Variants in PALM2AKAP2 observed in about 807,000 individuals in gnomAD.
PALM2AKAP2 encodes PALM2 and AKAP2 fusion, also known as PALM2-AKAP2 fusion protein.
In PALM2AKAP2, 37 loss-of-function variants were observed where a neutral mutation model predicts 71.5. The ratio of observed to expected loss-of-function variants is 0.52; its 90% CI spans 0.40 to 0.68. The LOEUF is 0.68. PALM2AKAP2 is among the 30% of genes least tolerant of loss of function. The pLI, the probability that PALM2AKAP2 is intolerant of heterozygous loss-of-function variation, is 0.00. For synonymous variants in PALM2AKAP2, 468 were observed against 478.8 expected, an observed-to-expected ratio of 0.98 and a Z score of 0.29; for missense variants, 1,224 against 1,191.8, an observed-to-expected ratio of 1.03 and a Z score of -0.40.
At chr9:110,147,048 C>T (rs969271014) in intron 2 of PALM2AKAP2, among the ~76,000 whole-genome samples, 3 of 151,806 alleles carry the variant, frequency 2.0e-5, no homozygotes, top group Admixed American at 6.6e-5. Flanking sequence ...GTCAGGAGTT[C>T]GAGACCAGCC....
At chr9:110,004,147 T>C (rs1403325386) in intron 6 of PALM2AKAP2, among the ~76,000 whole-genome samples, 1 of 152,236 alleles carries the variant, frequency 6.6e-6, no homozygotes, top group Non-Finnish European at 1.5e-5. Context: ...CAATTTGACA[T>C]GTTTTCGCAG....
At chr9:109,875,964 A>G (rs1829711120) in intron 2 of PALM2AKAP2, among the ~76,000 whole-genome samples, 1 of 152,124 alleles carries the variant, frequency 6.6e-6, no homozygotes, top group African/African-American at 2.4e-5. Context: ...TGCCATGATG[A>G]CATTCGTTTG....
chr9:110,159,842 G>A (rs1417415811), intron 3 of PALM2AKAP2, among the ~76,000 whole-genome samples: 7 of 152,186 alleles, frequency 4.6e-5, no homozygotes. Flanking sequence ...ATGCAGAGAG[G>A]CCCCTGGCTT....
chr9:109,691,963 T>C (rs1474183904), intron 1 of PALM2AKAP2, among the ~76,000 whole-genome samples: 1 of 143,586 alleles, frequency 7.0e-6, no homozygotes, highest in Non-Finnish European at 1.5e-5. Context: ...TATACATATA[T>C]ATCTCCATCT....
chr9:109,994,016 A>G (rs953303555), intron 6 of PALM2AKAP2, among the ~76,000 whole-genome samples: 1 of 152,156 alleles, frequency 6.6e-6, no homozygotes, highest in South Asian at 2.1e-4. Flanking sequence ...TATTATAAAT[A>G]CCTAGCTACT....
At chr9:109,864,060 C>CAA (rs60061350) in intron 1 of PALM2AKAP2, among the ~76,000 whole-genome samples, 35 of 139,636 alleles carry the variant, frequency 2.5e-4, no homozygotes, top group Admixed American at 6.4e-4. Flanking sequence ...GACTCTGTCT[C>CAA]AAAAAAAAAA....
At chr9:110,144,462 A>G (rs965525214) in intron 2 of PALM2AKAP2, among the ~76,000 whole-genome samples, 7 of 152,214 alleles carry the variant, frequency 4.6e-5, no homozygotes, top group South Asian at 4.1e-4. Flanking sequence ...CACACTTGTC[A>G]TTTCTTATTT....
At chr9:109,746,815 T>C (rs1190194711) in intron 1 of PALM2AKAP2, among the ~76,000 whole-genome samples, 1 of 152,218 alleles carries the variant, frequency 6.6e-6, no homozygotes, top group Non-Finnish European at 1.5e-5. Flanking sequence ...TTGCCCAAAG[T>C]CACACAGCTA....
In PALM2AKAP2 at chr9:109,816,170, A is replaced by T. The variant is rs560244642; in HGVS notation, c.45+35637A>T. ...CACAGATTTGTAGTGTCGTTCTCCT[A>T]CACTCCAGGGCACCTTATGTAGGTG... On this transcript the variant is annotated intron_variant, in intron 1 of 9. Coordinates refer to the PALM2AKAP2 transcript ENST00000302798. Among the ~76,000 whole-genome samples, 11 of 152,304 alleles carry T rather than the reference A, an allele frequency of 7.2e-5. No homozygotes were observed. In the East Asian group the frequency reaches 2.1e-3, roughly 29 times the overall value.
chr9:109,679,222 G>T (rs1035297333), intron 1 of PALM2AKAP2, among the ~76,000 whole-genome samples: 18 of 152,328 alleles, frequency 1.2e-4, no homozygotes, highest in African/African-American at 4.1e-4. Context: ...AGCTGTACCA[G>T]ATTAGAGGGA....
At chr9:110,023,917 C>T (rs1833125185) in intron 7 of PALM2AKAP2, among the ~76,000 whole-genome samples, 1 of 151,882 alleles carries the variant, frequency 6.6e-6, no homozygotes, top group Non-Finnish European at 1.5e-5. Context: ...CGCTTGAGCC[C>T]AGGGAGATTG....
At chr9:110,073,117 A>T (rs1030973191) in intron 1 of PALM2AKAP2, among the ~76,000 whole-genome samples, 8 of 152,206 alleles carry the variant, frequency 5.3e-5, no homozygotes, top group African/African-American at 1.9e-4. Context: ...TTGATTCTGT[A>T]ATTTCTTTTG....
At chr9:109,847,975 C>T (rs1828909198) in intron 1 of PALM2AKAP2, among the ~76,000 whole-genome samples, 1 of 152,168 alleles carries the variant, frequency 6.6e-6, no homozygotes, top group South Asian at 2.1e-4. Context: ...TCATAGAATA[C>T]ACTCCTCTCA....
intron 1 of PALM2AKAP2, among the ~76,000 whole-genome samples, chr9:109,657,155 C>T (rs191069769): frequency 6.6e-6 from 1 of 152,280 alleles, no homozygotes; most frequent in East Asian, 1.9e-4. Flanking sequence ...GTGGTCCTAG[C>T]CAAACATTTT....
At chr9:109,868,663 C>T (rs1197885469) in intron 2 of PALM2AKAP2, among the ~76,000 whole-genome samples, 2 of 152,174 alleles carry the variant, frequency 1.3e-5, no homozygotes, top group Non-Finnish European at 2.9e-5. Flanking sequence ...AAAATAGCAG[C>T]ATGACCTATA....
chr9:109,956,823 T>C (rs998028138), intron 6 of PALM2AKAP2, among the ~76,000 whole-genome samples: 12 of 152,338 alleles, frequency 7.9e-5, no homozygotes, highest in African/African-American at 2.9e-4. Context: ...ACTTTCTTGC[T>C]ATGTGAGTCA....
intron 7 of PALM2AKAP2, among the ~76,000 whole-genome samples, chr9:110,020,911 C>T (rs1833062920): frequency 6.6e-6 from 1 of 151,998 alleles, no homozygotes; most frequent in Middle Eastern, 3.2e-3. Flanking sequence ...AGTTCAAGAC[C>T]AACCTGGCCA....
intron 3 of PALM2AKAP2, among the ~76,000 whole-genome samples, chr9:109,911,146 A>G (rs201963825): frequency 1.3e-5 from 2 of 152,086 alleles, no homozygotes; most frequent in African/African-American, 4.8e-5. Flanking sequence ...GTGTGGCTGG[A>G]TGGGACTTTT....
At chr9:109,736,950 G>A (rs1003117870) in intron 1 of PALM2AKAP2, among the ~76,000 whole-genome samples, 7 of 152,152 alleles carry the variant, frequency 4.6e-5, no homozygotes, top group Admixed American at 1.3e-4. Context: ...TACCACTGTC[G>A]CCGTCTCTTT....
Sources: gnomAD v4.1 joint callset for allele counts (sites outside exome capture counted in the v4.1 genomes callset) on GRCh38, gnomAD v4.1.1 for gene constraint, MANE v1.5 for transcripts, NCBI Gene and HGNC (gene_info 2026-07-23, HGNC 2026-07-21) for gene names.